Variants in VIRMA observed in about 807,000 individuals in gnomAD.
The protein encoded by VIRMA is vir like m6A methyltransferase associated.
A neutral mutation model predicts 182.4 loss-of-function variants in VIRMA; 65 were observed. The ratio of observed to expected loss-of-function variants is 0.36; its 90% CI spans 0.29 to 0.44. VIRMA has a LOEUF of 0.44. VIRMA is among the 20% of genes least tolerant of loss of function. The pLI is 1.00. For synonymous variants in VIRMA, 709 were observed against 743.1 expected, an observed-to-expected ratio of 0.95 and a Z score of 0.75; for missense variants, 1,752 against 2,158.1, an observed-to-expected ratio of 0.81 and a Z score of 3.73.
At position 94,509,812 on chromosome 8, in the gene VIRMA, C is replaced by G. The variant is rs765895482; in HGVS notation, c.3755G>C (p.Gly1252Ala). 6.2e-7 allele frequency: 1 copy of G among 1,614,072 alleles called. No homozygotes were observed. The highest frequency in any genetic ancestry group is 8.5e-7 in the Non-Finnish European group (1 of 1,179,958). Residue 1252 changes from glycine (G) to alanine (A), a missense_variant, in exon 15 of 24, where the codon GGT becomes GCT. Coordinates refer to ENST00000297591, the MANE Select transcript of VIRMA (RefSeq NM_015496.5). ...GAATATCTCTGCATATCTTTCATCA[C>G]CTTTAATAGTTCCATTAATTAGATG... ...ILHLINGTIK[G>A]DERYAEIFQD...
At chr8:94,548,979 A>G (rs1052603516) in intron 1 of VIRMA, among the ~76,000 whole-genome samples, 2 of 150,344 alleles carry the variant, frequency 1.3e-5, no homozygotes, top group Non-Finnish European at 3.0e-5. Context: ...TGTCCTCCCA[A>G]CTCCTGGGCT....
chr8:94,532,400 T>C (rs947325376), intron 5 of VIRMA, among the ~76,000 whole-genome samples: 5 of 152,136 alleles, frequency 3.3e-5, no homozygotes, highest in Non-Finnish European at 7.4e-5. Context: ...AGCCACGGCA[T>C]CCAGCCCAGA....
intron 8 of VIRMA, among the ~76,000 whole-genome samples, chr8:94,521,265 C>CTCACCGT (rs1318226346): frequency 6.6e-6 from 1 of 152,086 alleles, no homozygotes; most frequent in East Asian, 1.9e-4. Context: ...TCCATGTGTT[C>CTCACCGT]TCACCGTTCA....
rs1443434996 is a variant in VIRMA, at chr8:94,527,027, T to C, written c.1217A>G (p.Glu406Gly). 14 of 1,614,196 alleles carry C rather than the reference T, an allele frequency of 8.7e-6. No homozygotes were observed. Among genetic ancestry groups the C allele is most frequent in the Non-Finnish European group, 1.2e-5 (14 of 1,180,008 alleles). ...CCCTTTTATTATTAAACTTGGAATTTCTTCTAAAGCTGTTACCCATTTTGC... is the reference window on the plus strand; with the variant it reads ...CCCTTTTATTATTAAACTTGGAATTCCTTCTAAAGCTGTTACCCATTTTGC... ...RGAKWVTALE[E>G]IPSLIIKGLS... Residue 406 changes from glutamate to glycine, a missense_variant, in exon 8 of 24, where the codon GAA becomes GGA. This residue lies in a region of VIRMA where 401 missense variants were observed against 455.1 expected (regional missense o/e 0.88). Coordinates refer to ENST00000297591, the MANE Select transcript of VIRMA (RefSeq NM_015496.5).
At chr8:94,492,026 G>T in intron 21 of VIRMA, 117 bp from the exon 22 acceptor site, 1 of 700,980 alleles carries the variant, frequency 1.4e-6, no homozygotes, top group Non-Finnish European at 2.2e-6. Context: ...TGCTAACTTT[G>T]CAAGTATCTA....
intron 8 of VIRMA, among the ~76,000 whole-genome samples, chr8:94,521,412 CTT>C (rs910499196): frequency 4.6e-5 from 7 of 152,048 alleles, no homozygotes; most frequent in African/African-American, 1.4e-4. Flanking sequence ...AAAAATGAAA[CTT>C]AACCAGATTT....
intron 12 of VIRMA, 52 bp from the exon 13 acceptor site, chr8:94,511,781 A>ATT: frequency 8.7e-7 from 1 of 1,150,384 alleles, no homozygotes; most frequent in Non-Finnish European, 1.2e-6. Context: ...TATGTTAATA[A>ATT]CTGATTAAGA....
Position 94,531,065 on chromosome 8 carries a change from G to C in VIRMA, c.505C>G (p.Gln169Glu). Reference protein sequence around the residue: ...PKHADGEKEDQFNGSPPRPQP... With the variant: ...PKHADGEKEDEFNGSPPRPQP... The stretch of plus-strand genomic sequence containing the variant: ...GGTCTTGGAGGGCTTCCATTAAACT[G>C]ATCTTCTTTCTCCCCATCAGCTAGT... The change falls in exon 6 of 24, where the codon CAG becomes GAG. Residue 169 changes from glutamine (Q) to glutamate (E), a missense_variant. Physicochemically the swap from Gln to Glu is conservative, Grantham distance 29 (BLOSUM62 2). This residue lies in a region of VIRMA where 17 missense variants were observed against 37.8 expected (regional missense o/e 0.45). Coordinates refer to ENST00000297591, the MANE Select transcript of VIRMA (RefSeq NM_015496.5). 3.2e-6 allele frequency: 5 copies of C among 1,572,632 alleles called. No individual in the cohort carries two copies. Among genetic ancestry groups the C allele is most frequent in the Non-Finnish European group, 4.3e-6 (5 of 1,164,110 alleles).
chr8:94,538,188 C>A (rs1414920625), intron 3 of VIRMA, 72 bp downstream of exon 3: 3 of 973,402 alleles, frequency 3.1e-6, no homozygotes, highest in East Asian at 2.4e-5. Context: ...TTTCTTCTAT[C>A]TAAAGAATCA....
intron 21 of VIRMA, 103 bp from the exon 22 acceptor site, chr8:94,492,012 A>T: frequency 2.4e-6 from 2 of 833,576 alleles, no homozygotes; most frequent in Non-Finnish European, 3.6e-6. Flanking sequence ...TTGTACTCCA[A>T]TTCTGCTAAC....
rs762521455 is a variant in VIRMA, at chr8:94,537,162, A to G, written c.267-11T>C. ...TCATCATATTCCAGGCTGTCAAGAG[A>G]GTAGAAATAAATATGTAAGCTCAAA... On this transcript the variant is annotated splice_polypyrimidine_tract_variant and intron_variant, in intron 3 of 23. Transcript: ENST00000297591. 16 of 1,564,586 alleles carry G rather than the reference A, an allele frequency of 1.0e-5. No homozygotes were observed. Among genetic ancestry groups the G allele is most frequent in the African/African-American group, 1.4e-5 (1 of 74,002 alleles).
At chr8:94,528,095 G>A (rs548118266) in intron 7 of VIRMA, among the ~76,000 whole-genome samples, 4 of 152,062 alleles carry the variant, frequency 2.6e-5, no homozygotes, top group East Asian at 1.9e-4. Context: ...TTACCTGAGC[G>A]TAGGGGTGCG....
chr8:94,507,462 C>T (rs564993289), intron 15 of VIRMA, among the ~76,000 whole-genome samples: 110 of 150,910 alleles, frequency 7.3e-4, no homozygotes, highest in Admixed American at 2.2e-3. Context: ...TACATTAATA[C>T]TGCAATTTAA....
Position 94,488,828 on chromosome 8 carries a change from T to C in VIRMA, c.5317A>G (p.Arg1773Gly), listed in dbSNP as rs1333770717. Residue 1773 changes from arginine to glycine, a missense_variant, in exon 24 of 24, where the codon AGA becomes GGA. Physicochemically the swap from Arg to Gly is moderately radical, Grantham distance 125 (BLOSUM62 -2). This residue lies in a region of VIRMA where 132 missense variants were observed against 173.8 expected (regional missense o/e 0.76). Coordinates refer to ENST00000297591, the MANE Select transcript of VIRMA (RefSeq NM_015496.5). Reference sequence around the variant, plus strand: ...GAAGGTCCAAGTCCCCCACGACCTCTAGAAGCACGGTCCCGAGGACTTGGG... The same window carrying C: ...GAAGGTCCAAGTCCCCCACGACCTCCAGAAGCACGGTCCCGAGGACTTGGG... ...YRPSPRDRAS[R>G]GRGGLGPSWA... 3.7e-6 allele frequency: 6 copies of C among 1,614,068 alleles called. No individual in the cohort carries two copies. The highest frequency in any genetic ancestry group is 2.5e-6 in the Non-Finnish European group (3 of 1,180,014).
At chr8:94,536,537 G>C (rs552978506) in intron 4 of VIRMA, among the ~76,000 whole-genome samples, 1 of 152,326 alleles carries the variant, frequency 6.6e-6, no homozygotes, top group Non-Finnish European at 1.5e-5. Context: ...TTCTGAACTT[G>C]CCTATCTAAA....
chr8:94,537,283 A>C, intron 3 of VIRMA, 132 bp from the exon 4 acceptor site: 1 of 681,370 alleles, frequency 1.5e-6, no homozygotes, highest in East Asian at 2.7e-5. Flanking sequence ...TAAACCACAA[A>C]GTTTGAGTTT....
intron 7 of VIRMA, among the ~76,000 whole-genome samples, chr8:94,528,331 A>T (rs1175751635): frequency 7.8e-6 from 1 of 127,452 alleles, no homozygotes; most frequent in Non-Finnish European, 1.6e-5. Context: ...TTATTTGATA[A>T]TCTGTGAATG....
intron 8 of VIRMA, among the ~76,000 whole-genome samples, chr8:94,525,199 C>G (rs1220085993): frequency 5.9e-5 from 9 of 152,148 alleles, no homozygotes; most frequent in Non-Finnish European, 1.3e-4. Context: ...TGTGGGCATC[C>G]TTGAACCAAA....
chr8:94,534,766 C>T (rs1057037478), intron 5 of VIRMA, 73 bp downstream of exon 5: 88 of 1,529,180 alleles, frequency 5.8e-5, no homozygotes, highest in Non-Finnish European at 7.3e-5. Context: ...TAAAAGAGTG[C>T]TCTTCGAATT....
Sources: allele counts gnomAD v4.1 joint callset (sites outside exome capture counted in the v4.1 genomes callset), GRCh38; gene constraint gnomAD v4.1.1; regional missense constraint gnomAD v4.1.1; transcripts MANE v1.5; gene names NCBI Gene and HGNC (gene_info 2026-07-23, HGNC 2026-07-21).